The following PRIM2 variants were observed in gnomAD, a reference collection of about 807,000 sequenced individuals.
The protein encoded by PRIM2 is DNA primase large subunit.
A neutral mutation model predicts 67.3 loss-of-function variants in PRIM2; 39 were observed. That is an observed-to-expected ratio of 0.58 (90% CI 0.45 to 0.76). The LOEUF (loss-of-function observed/expected upper bound fraction) is 0.76. PRIM2 is among the 30% of genes least tolerant of loss of function. PRIM2 has a pLI of 0.00. For missense variants in PRIM2, 398 were observed against 598.7 expected (o/e 0.66, Z 3.50); for synonymous variants, 143 against 198.7 (o/e 0.72, Z 2.36).
chr6:57,379,057 G>T (rs1289751567), intron 5 of PRIM2, among the ~76,000 whole-genome samples: 2 of 128,006 alleles, frequency 1.6e-5, no homozygotes, highest in Non-Finnish European at 3.2e-5. Flanking sequence ...TATTTGATAT[G>T]TATTATCAAA....
At chr6:57,620,870 G>C (rs2127496889) in intron 12 of PRIM2, among the ~76,000 whole-genome samples, 1 of 152,384 alleles carries the variant, frequency 6.6e-6, no homozygotes, top group South Asian at 2.1e-4. Flanking sequence ...TAAACTTAAA[G>C]TAAAGATGTG....
intron 7 of PRIM2, among the ~76,000 whole-genome samples, chr6:57,481,055 C>T (rs1439496560): frequency 6.6e-6 from 1 of 152,184 alleles, no homozygotes; most frequent in African/African-American, 2.4e-5. Context: ...AGGTCCTTCT[C>T]ACTTCACTCA....
the PRIM2 span, among the ~76,000 whole-genome samples, chr6:57,309,780 T>C: frequency 2.0e-3 from 308 of 152,240 alleles, 1 homozygote; most frequent in South Asian, 0.014. Flanking sequence ...ACAGTCCCAC[T>C]AACAGTGTAA....
the PRIM2 span, among the ~76,000 whole-genome samples, chr6:57,256,699 CTCTT>C: frequency 6.8e-6 from 1 of 146,430 alleles, no homozygotes; most frequent in Non-Finnish European, 1.5e-5. Context: ...TTTTTCCTTT[CTCTT>C]TCTCTCACTT....
chr6:57,286,870 T>A, the PRIM2 span, among the ~76,000 whole-genome samples: 2 of 152,142 alleles, frequency 1.3e-5, no homozygotes, highest in African/African-American at 2.4e-5. Flanking sequence ...TTGACAAAGA[T>A]CTAATATCCA....
chr6:57,506,021 G>C (rs1774244410), intron 7 of PRIM2, among the ~76,000 whole-genome samples: 1 of 151,806 alleles, frequency 6.6e-6, no homozygotes, highest in Admixed American at 6.6e-5. Flanking sequence ...ACAGATAAAG[G>C]ATGTATTAAA....
At chr6:57,291,035 A>G in the PRIM2 span, among the ~76,000 whole-genome samples, 1,582 of 152,250 alleles carry the variant, frequency 0.01, 16 homozygotes, top group Non-Finnish European at 0.017. Flanking sequence ...ACACAAAAAA[A>G]CCCTTCAAAA....
intron 10 of PRIM2, among the ~76,000 whole-genome samples, chr6:57,538,780 T>C (rs1304979365): frequency 6.6e-6 from 1 of 152,218 alleles, no homozygotes; most frequent in African/African-American, 2.4e-5. Context: ...GGCCTTCTTC[T>C]TGCTTTGTGC....
rs1386028243 is a variant in PRIM2 at position 57,646,622 on chromosome 6, T to C, written c.*464T>C. On this transcript the variant is annotated 3_prime_UTR_variant, in exon 14 of 14. Transcript: ENST00000615550. ...AGGTTTGAGGTAACAACAGAGACTT[T>C]CACTATATTTTGCTTTGACAGAAGG... 3.9e-5 allele frequency: 6 copies of C among 152,758 alleles called. No homozygotes were observed. Among genetic ancestry groups the C allele is most frequent in the Non-Finnish European group, 4.4e-5 (3 of 68,536 alleles). The allele number at this position is 152,758 out of a possible 1,614,324, so 9.5% of individuals were successfully genotyped here.
At chr6:57,637,405 AG>A (rs1188518742) in intron 13 of PRIM2, among the ~76,000 whole-genome samples, 72 of 152,322 alleles carry the variant, frequency 4.7e-4, no homozygotes, top group African/African-American at 1.7e-3. Flanking sequence ...ATGGAGAATG[AG>A]TTTGACAAAT....
upstream of PRIM2, among the ~76,000 whole-genome samples, chr6:57,314,041 G>A (rs1286216085): frequency 2.6e-5 from 4 of 152,222 alleles, no homozygotes; most frequent in African/African-American, 7.2e-5. Context: ...GCCAGAGAAG[G>A]TACTCTGTGC....
intron 7 of PRIM2, among the ~76,000 whole-genome samples, chr6:57,433,888 A>T (rs1402291653): frequency 1.3e-5 from 2 of 151,140 alleles, no homozygotes; most frequent in Non-Finnish European, 2.9e-5. Flanking sequence ...TTCTCCACTT[A>T]ATAGTTATGT....
intron 9 of PRIM2, among the ~76,000 whole-genome samples, chr6:57,533,630 A>G (rs1187125504): frequency 1.3e-5 from 2 of 152,128 alleles, no homozygotes; most frequent in East Asian, 3.9e-4. Context: ...ACTTCCACTC[A>G]TGTGATTTGT....
At chr6:57,365,411 T>C (rs567164120) in intron 5 of PRIM2, among the ~76,000 whole-genome samples, 4 of 151,698 alleles carry the variant, frequency 2.6e-5, no homozygotes, top group African/African-American at 9.7e-5. Context: ...CTTTAATTAT[T>C]AGCGGAATTG....
chr6:57,422,154 C>CTTTTTTTTTTT (rs1177401174), intron 7 of PRIM2, among the ~76,000 whole-genome samples: 1 of 54,486 alleles, frequency 1.8e-5, no homozygotes. Context: ...TATTTCTTTT[C>CTTTTTTTTTTT]TTTCTTTTTT....
chr6:57,287,898 C>G, the PRIM2 span, among the ~76,000 whole-genome samples: 2 of 152,040 alleles, frequency 1.3e-5, no homozygotes, highest in Admixed American at 1.3e-4. Context: ...AACTGAAGTA[C>G]GTGGTTCATC....
chr6:57,609,820 G>A (rs1776632049), intron 12 of PRIM2, among the ~76,000 whole-genome samples: 1 of 152,148 alleles, frequency 6.6e-6, no homozygotes, highest in African/African-American at 2.4e-5. Context: ...TGAAGCAGCT[G>A]GTGGACTGTA....
At chr6:57,390,913 T>C (rs1770321319) in intron 7 of PRIM2, among the ~76,000 whole-genome samples, 1 of 152,158 alleles carries the variant, frequency 6.6e-6, no homozygotes, top group African/African-American at 2.4e-5. Flanking sequence ...GTAACGGGAT[T>C]GCAAGGTTGA....
At chr6:57,338,003 C>A (rs2127290305) in intron 5 of PRIM2, among the ~76,000 whole-genome samples, 1 of 151,926 alleles carries the variant, frequency 6.6e-6, no homozygotes, top group South Asian at 2.1e-4. Flanking sequence ...CAAATAGACG[C>A]AATAAAAAAT....
Sources: allele counts gnomAD v4.1 joint callset (sites outside exome capture counted in the v4.1 genomes callset), GRCh38; gene constraint gnomAD v4.1.1; transcripts MANE v1.5; gene names NCBI Gene and HGNC (gene_info 2026-07-23, HGNC 2026-07-21).